GAB2: variants seen among roughly 807,000 people sequenced by gnomAD.
The protein encoded by GAB2 is GRB2 associated binding protein 2.
GAB2 carries 26 observed loss-of-function variants against 65.5 expected under a neutral mutation model. The observed-to-expected ratio is 0.40, with a 90% confidence interval of 0.29 to 0.55. The LOEUF (loss-of-function observed/expected upper bound fraction) is 0.55, where lower values mean the gene tolerates loss of function less well. GAB2 is among the 20% of genes least tolerant of loss of function. The probability of loss-of-function intolerance (pLI) is 0.53; values close to 1 mark genes in which losing one functional copy is unlikely to be tolerated. For synonymous variants in GAB2, 321 were observed against 329.6 expected (o/e 0.97, Z 0.28); for missense variants, 884 against 875.8 (o/e 1.01, Z -0.12).
At chr11:78,392,046 G>C (rs1856839724) in intron 1 of GAB2, 2 of 152,130 alleles carry the variant, frequency 1.3e-5, no homozygotes, top group African/African-American at 4.8e-5. Flanking sequence ...AGACCAGCCT[G>C]GCTAACATGG....
At chr11:78,304,435 T>C (rs560017132) in intron 1 of GAB2, among the ~76,000 whole-genome samples, 3 of 152,318 alleles carry the variant, frequency 2.0e-5, no homozygotes, top group South Asian at 4.1e-4. Context: ...TCTGTAGTGA[T>C]AGGCTGACTC....
At chr11:78,221,271 C>T (rs564150440) in intron 8 of GAB2, among the ~76,000 whole-genome samples, 2 of 152,232 alleles carry the variant, frequency 1.3e-5, no homozygotes, top group African/African-American at 4.8e-5. Context: ...AAATATCCTC[C>T]TCTGCCTGTG....
chr11:78,389,773 A>G (rs1856810761), intron 1 of GAB2, among the ~76,000 whole-genome samples: 1 of 152,228 alleles, frequency 6.6e-6, no homozygotes, highest in African/African-American at 2.4e-5. Context: ...TTGAGACACC[A>G]TAAAGTTGAA....
chr11:78,398,915 C>T (rs1394767213), intron 1 of GAB2, among the ~76,000 whole-genome samples: 3 of 152,166 alleles, frequency 2.0e-5, no homozygotes, highest in Non-Finnish European at 4.4e-5. Flanking sequence ...GAAATCAACT[C>T]GAATAGGCTC....
chr11:78,272,546 A>G (rs187354661), intron 2 of GAB2, among the ~76,000 whole-genome samples: 24 of 152,346 alleles, frequency 1.6e-4, no homozygotes, highest in Non-Finnish European at 2.5e-4. Flanking sequence ...ATTTCTAAGA[A>G]GCAAAGCATT....
chr11:78,359,108 G>A (rs1308448505), intron 1 of GAB2, among the ~76,000 whole-genome samples: 2 of 152,086 alleles, frequency 1.3e-5, no homozygotes, highest in Non-Finnish European at 2.9e-5. Context: ...GGATGATAGA[G>A]TAAGAGGGTC....
chr11:78,330,335 A>G (rs1156743144), intron 1 of GAB2, among the ~76,000 whole-genome samples: 2 of 152,252 alleles, frequency 1.3e-5, no homozygotes, highest in Non-Finnish European at 2.9e-5. Context: ...ATAAAAATAA[A>G]GAAGTTTGAG....
chr11:78,228,231 G>T (rs1036386384), intron 3 of GAB2, among the ~76,000 whole-genome samples: 1 of 152,214 alleles, frequency 6.6e-6, no homozygotes, highest in South Asian at 2.1e-4. Context: ...CAGGTTCTCT[G>T]TAAGTGCTTT....
intron 2 of GAB2, among the ~76,000 whole-genome samples, chr11:78,274,320 A>G (rs957248597): frequency 1.3e-5 from 2 of 152,206 alleles, no homozygotes; most frequent in African/African-American, 4.8e-5. Context: ...AAAGAAAGGA[A>G]AAGAGGGAGT....
chr11:78,369,133 C>A (rs531661121), intron 1 of GAB2, among the ~76,000 whole-genome samples: 51 of 145,862 alleles, frequency 3.5e-4, no homozygotes, highest in Admixed American at 2.8e-3. Flanking sequence ...GTGACAGAGA[C>A]CCTGTCTCAA....
At chr11:78,305,298 C>T (rs984376253) in intron 1 of GAB2, among the ~76,000 whole-genome samples, 3 of 152,120 alleles carry the variant, frequency 2.0e-5, no homozygotes, top group African/African-American at 7.2e-5. Flanking sequence ...GGACCCAAAG[C>T]CTTTTATTCT....
At chr11:78,292,029 T>A (rs61881817) in intron 1 of GAB2, among the ~76,000 whole-genome samples, 12,408 of 105,850 alleles carry the variant, frequency 0.12, 1,149 homozygotes, top group African/African-American at 0.26. Context: ...TGTGTGTGTG[T>A]GAGAGAGAGA....
intron 1 of GAB2, among the ~76,000 whole-genome samples, chr11:78,383,133 A>G (rs912062129): frequency 1.3e-5 from 2 of 152,142 alleles, no homozygotes; most frequent in Non-Finnish European, 2.9e-5. Context: ...TTAGCTGGGC[A>G]TGGTGGCACA....
At chr11:78,247,022 T>C (rs1317413473) in intron 3 of GAB2, among the ~76,000 whole-genome samples, 1 of 152,206 alleles carries the variant, frequency 6.6e-6, no homozygotes, top group Non-Finnish European at 1.5e-5. Context: ...CATTCTGGAA[T>C]ATACTAGCTC....
chr11:78,269,621 C>A (rs921838046), intron 2 of GAB2, among the ~76,000 whole-genome samples: 1 of 152,234 alleles, frequency 6.6e-6, no homozygotes, highest in African/African-American at 2.4e-5. Context: ...TCCCCAAAAG[C>A]ATTCCTATGG....
Position 78,260,738 on chromosome 11 carries a change from C to T in GAB2, c.377-10338G>A, listed in dbSNP as rs1865707471. On this transcript the variant is annotated intron_variant, in intron 2 of 9. Coordinates refer to ENST00000361507, the MANE Select transcript of GAB2 (RefSeq NM_080491.3). ...CTGCCCGCCTTGGCCTCCCAAAGTG[C>T]TGGGATTACAGGCATGAGTCACCGC... Among the ~76,000 whole-genome samples the T allele has an allele frequency of 2.0e-5, 3 of 152,178 alleles. No individual in the cohort carries two copies. In the South Asian group the frequency reaches 6.2e-4, roughly 32 times the overall value.
At chr11:78,365,657 G>A (rs1345310135) in intron 1 of GAB2, among the ~76,000 whole-genome samples, 1 of 152,206 alleles carries the variant, frequency 6.6e-6, no homozygotes, top group Non-Finnish European at 1.5e-5. Flanking sequence ...AAAATTCTGG[G>A]AGGTAGGAAT....
At chr11:78,354,757 G>A (rs1002567015) in intron 1 of GAB2, among the ~76,000 whole-genome samples, 4 of 152,146 alleles carry the variant, frequency 2.6e-5, no homozygotes, top group African/African-American at 9.7e-5. Flanking sequence ...GAAGCCATTC[G>A]CCTTCCAGCA....
intron 1 of GAB2, among the ~76,000 whole-genome samples, chr11:78,299,480 G>C (rs1866933414): frequency 6.6e-6 from 1 of 152,184 alleles, no homozygotes; most frequent in African/African-American, 2.4e-5. Context: ...AAAGTCTGGT[G>C]CTTTCTGGAG....
Sources: gnomAD v4.1 joint callset for allele counts (sites outside exome capture counted in the v4.1 genomes callset) on GRCh38, gnomAD v4.1.1 for gene constraint, MANE v1.5 for transcripts, NCBI Gene and HGNC (gene_info 2026-07-23, HGNC 2026-07-21) for gene names.